Variants in PLS1 observed in about 807,000 individuals in gnomAD.
PLS1 encodes the protein plastin-1.
A neutral mutation model predicts 73.7 loss-of-function variants in PLS1; 32 were observed. The observed-to-expected ratio is 0.43, with a 90% confidence interval of 0.33 to 0.58. The LOEUF is 0.58. PLS1 is among the 20% of genes least tolerant of loss of function. The probability of loss-of-function intolerance (pLI) is 0.04; values close to 1 mark genes in which losing one functional copy is unlikely to be tolerated. For missense variants in PLS1, 633 were observed against 740.5 expected, an observed-to-expected ratio of 0.85 and a Z score of 1.68; for synonymous variants, 217 against 261.3, an observed-to-expected ratio of 0.83 and a Z score of 1.63.
Position 142,636,294 on chromosome 3 carries a change from C to G in PLS1, c.-36-27908C>G, listed in dbSNP as rs138302169. On this transcript the variant is annotated intron_variant, in intron 1 of 15. Coordinates refer to ENST00000457734, the MANE Select transcript of PLS1 (RefSeq NM_001145319.2). ...TAGAAAGTCCATAAATAGGCTCACA[C>G]ATATGGACAACTGAATTTCAACAAA... Among the ~76,000 whole-genome samples, 32 of 152,262 alleles carry G rather than the reference C, an allele frequency of 2.1e-4. No homozygotes were observed. The South Asian group carries it at 2.3e-3, about 11-fold the overall frequency.
intron 1 of PLS1, among the ~76,000 whole-genome samples, chr3:142,653,030 G>A (rs923952218): frequency 3.9e-5 from 6 of 152,038 alleles, no homozygotes; most frequent in Non-Finnish European, 7.4e-5. Flanking sequence ...TTTTGGGTCC[G>A]CGTCCATATT....
intron 1 of PLS1, among the ~76,000 whole-genome samples, chr3:142,647,200 T>C (rs2036970523): frequency 6.6e-6 from 1 of 152,232 alleles, no homozygotes; most frequent in South Asian, 2.1e-4. Context: ...GTGACATTTT[T>C]TGAATAGAAT....
Position 142,704,454 on chromosome 3 carries a change from C to G in PLS1, c.1506-9C>G. ...TTTCAGTCTCAAATATACATCTTTT[C>G]TGTTGCAGGTACACATTGAATGTGT... is the stretch of plus-strand genomic sequence containing the variant. On this transcript the variant is annotated splice_polypyrimidine_tract_variant and intron_variant, in intron 13 of 15. Transcript: ENST00000457734. 6.3e-7 allele frequency: 1 copy of G among 1,594,110 alleles called. No individual in the cohort carries two copies. Among genetic ancestry groups the G allele is most frequent in the African/African-American group, 1.3e-5 (1 of 74,146 alleles).
chr3:142,665,772 A>G (rs1244066344), intron 2 of PLS1, among the ~76,000 whole-genome samples: 1 of 151,814 alleles, frequency 6.6e-6, no homozygotes, highest in African/African-American at 2.4e-5. Flanking sequence ...ATTTAATGAT[A>G]TATTGAATAA....
In PLS1 at chr3:142,703,867, G is replaced by C. The variant is rs772160217; in HGVS notation, c.1372-1G>C. 5 of 1,603,440 alleles carry C rather than the reference G, an allele frequency of 3.1e-6. No homozygotes were observed. The highest frequency in any genetic ancestry group is 2.6e-6 in the Non-Finnish European group (3 of 1,170,534). On this transcript the variant is annotated splice_acceptor_variant, in intron 12 of 15. Transcript: ENST00000457734. LOFTEE classifies it high-confidence loss of function. ...ATACCCAAACTTTTACTTATTTATA[G>C]ATTGAAAACTGTAACTATGCAGTGG... is the stretch of plus-strand genomic sequence containing the variant.
intron 1 of PLS1, among the ~76,000 whole-genome samples, chr3:142,641,832 A>G (rs1438630556): frequency 6.6e-6 from 1 of 152,072 alleles, no homozygotes; most frequent in African/African-American, 2.4e-5. Flanking sequence ...TTTGGGGTTC[A>G]GATTTCTCCT....
chr3:142,597,325 CAG>C (rs2035831919), intron 1 of PLS1: 1 of 152,148 alleles, frequency 6.6e-6, no homozygotes, highest in South Asian at 2.1e-4. Context: ...AATTTCAGGA[CAG>C]GGGGCACACA....
intron 1 of PLS1, among the ~76,000 whole-genome samples, chr3:142,615,906 A>T (rs779388946): frequency 2.0e-5 from 3 of 152,252 alleles, no homozygotes; most frequent in Non-Finnish European, 4.4e-5. Context: ...CTTACTAGAC[A>T]TGCAGACTTT....
At chr3:142,660,357 C>G (rs2037342427) in intron 1 of PLS1, among the ~76,000 whole-genome samples, 1 of 152,104 alleles carries the variant, frequency 6.6e-6, no homozygotes, top group African/African-American at 2.4e-5. Flanking sequence ...AGAGGAGTCC[C>G]ATTCCAATAA....
chr3:142,683,874 G>T, intron 6 of PLS1, 132 bp from the exon 7 acceptor site: 3 of 604,556 alleles, frequency 5.0e-6, no homozygotes, highest in Non-Finnish European at 5.6e-6. Flanking sequence ...TTTGAGTAGT[G>T]GTATTTTCGT....
intron 10 of PLS1, among the ~76,000 whole-genome samples, chr3:142,694,013 T>C (rs2038140812): frequency 6.6e-6 from 1 of 151,744 alleles, no homozygotes; most frequent in South Asian, 2.1e-4. Context: ...TGAGAAACTT[T>C]CCTATGTAAA....
intron 1 of PLS1, among the ~76,000 whole-genome samples, chr3:142,650,855 T>C (rs975675608): frequency 1.3e-5 from 2 of 151,812 alleles, no homozygotes; most frequent in African/African-American, 4.8e-5. Context: ...GCAGTAGGGG[T>C]AGGGGACAGT....
chr3:142,632,940 T>C (rs939681436), intron 1 of PLS1, among the ~76,000 whole-genome samples: 12 of 152,176 alleles, frequency 7.9e-5, no homozygotes, highest in African/African-American at 2.9e-4. Flanking sequence ...TCCATGTTCA[T>C]TGCATCATTA....
intron 1 of PLS1, among the ~76,000 whole-genome samples, chr3:142,611,664 A>G (rs1202314957): frequency 6.6e-6 from 1 of 152,152 alleles, no homozygotes; most frequent in Non-Finnish European, 1.5e-5. Flanking sequence ...TATTATATAT[A>G]GTATGTATGT....
intron 9 of PLS1, 32 bp downstream of exon 9, chr3:142,686,408 T>C (rs991350743): frequency 7.7e-7 from 1 of 1,291,678 alleles, no homozygotes; most frequent in African/African-American, 1.5e-5. Flanking sequence ...TAAAATATAT[T>C]GTGGTAAAAC....
chr3:142,712,286 C>T lies in PLS1; in HGVS notation c.*279C>T, dbSNP rs2107983730. 1 of 256,696 alleles carries T rather than the reference C, an allele frequency of 3.9e-6. No individual in the cohort carries two copies. Among genetic ancestry groups the T allele is most frequent in the African/African-American group, 2.2e-5 (1 of 45,274 alleles). 15.9% of individuals were successfully genotyped at this position (256,696 alleles called of 1,614,324 possible). A position where few individuals can be genotyped will look rare whatever the true frequency, so the allele number is the denominator to read the frequency against. On this transcript the variant is annotated 3_prime_UTR_variant, in exon 16 of 16. Coordinates refer to ENST00000457734, the MANE Select transcript of PLS1 (RefSeq NM_001145319.2). ...TTTGTTGCTTAAAAGTCGTATTAGA[C>T]AAGACTAAATCATTCTTTTTTATGG... is the stretch of plus-strand genomic sequence containing the variant.
At chr3:142,648,045 A>G (rs1210841193) in intron 1 of PLS1, among the ~76,000 whole-genome samples, 1 of 152,170 alleles carries the variant, frequency 6.6e-6, no homozygotes. Flanking sequence ...CTCCCTTACT[A>G]AGTTGTAAAC....
At chr3:142,622,085 A>G (rs1190221775) in intron 1 of PLS1, among the ~76,000 whole-genome samples, 1 of 152,152 alleles carries the variant, frequency 6.6e-6, no homozygotes, top group Non-Finnish European at 1.5e-5. Flanking sequence ...TTGTCTCTGG[A>G]CCACGTGGAC....
intron 1 of PLS1, among the ~76,000 whole-genome samples, chr3:142,647,643 C>T (rs1403564179): frequency 6.6e-6 from 1 of 152,056 alleles, no homozygotes; most frequent in Non-Finnish European, 1.5e-5. Flanking sequence ...GCTGGGATTA[C>T]AGGTGCACAC....
Sources: allele counts gnomAD v4.1 joint callset (sites outside exome capture counted in the v4.1 genomes callset), GRCh38; gene constraint gnomAD v4.1.1; transcripts MANE v1.5; gene names NCBI Gene and HGNC (gene_info 2026-07-23, HGNC 2026-07-21).